The following MGST1 variants were observed in gnomAD, a reference collection of about 807,000 sequenced individuals.
MGST1 encodes the protein glutathione S-transferase 12.
In MGST1, 5 loss-of-function variants were observed where a neutral mutation model predicts 8.9. The observed-to-expected ratio is 0.56, with a 90% CI of 0.29 to 1.19. The LOEUF (loss-of-function observed/expected upper bound fraction) is 1.19. MGST1 is among the 50% of genes most tolerant of loss of function. The pLI is 0.08. For synonymous variants in MGST1, 54 were observed against 67.8 expected (o/e 0.80, Z 1.00); for missense variants, 182 against 187.4 (o/e 0.97, Z 0.17).
In MGST1 at chr12:16,589,007, C is replaced by T. The variant is rs1031194752; in HGVS notation, n.483-521C>T. 2.0e-5 allele frequency among the ~76,000 whole-genome samples: 3 copies of T among 151,970 alleles called. No individual in the cohort carries two copies. Among genetic ancestry groups the T allele is most frequent in the African/African-American group, 4.8e-5 (2 of 41,394 alleles). ...GGATTCCTATTTCTAGAGAAGAAAA[C>T]GCAGACTTGGAGAGGTTGAGTAAGT... On this transcript the variant is annotated intron_variant and non_coding_transcript_variant, in intron 4 of 4. Transcript: ENST00000538857. This position sits in a 1 kb window ranked among gnomAD's most constrained non-coding sequence, Gnocchi z 4.2.
intron 4 of MGST1, among the ~76,000 whole-genome samples, chr12:16,538,040 G>A (rs1941765867): frequency 1.3e-5 from 2 of 152,116 alleles, no homozygotes; most frequent in South Asian, 4.2e-4. Context: ...AAACTTTTAT[G>A]CTCTTTTTCC....
chr12:16,444,328 T>A (rs1016115954), intron 4 of MGST1, among the ~76,000 whole-genome samples: 1 of 151,804 alleles, frequency 6.6e-6, no homozygotes, highest in African/African-American at 2.4e-5. Flanking sequence ...CCAGACTACT[T>A]TGTCTCTGAT....
At chr12:16,399,932 A>G in intron 1 of MGST1, 1 of 1,295,834 alleles carries the variant, frequency 7.7e-7, no homozygotes. Context: ...GTCACCACAA[A>G]AGGTGGCCAT....
At chr12:16,388,012 C>T (rs1057208947) in intron 1 of MGST1, among the ~76,000 whole-genome samples, 1 of 152,032 alleles carries the variant, frequency 6.6e-6, no homozygotes, top group Non-Finnish European at 1.5e-5. Context: ...TGGAAGTACA[C>T]ACCATGATGT....
At chr12:16,400,410 T>C in intron 1 of MGST1, 2 of 816,938 alleles carry the variant, frequency 2.4e-6, no homozygotes, top group Non-Finnish European at 4.4e-6. Flanking sequence ...GCAGCCTCTT[T>C]TGGGCAATAT....
chr12:16,460,939 G>C (rs574549632), intron 4 of MGST1, among the ~76,000 whole-genome samples: 1 of 151,922 alleles, frequency 6.6e-6, no homozygotes, highest in Non-Finnish European at 1.5e-5. Flanking sequence ...TAAATCATAC[G>C]GTATTAGTAA....
intron 4 of MGST1, among the ~76,000 whole-genome samples, chr12:16,552,935 C>T (rs374060388): frequency 7.0e-6 from 1 of 143,054 alleles, no homozygotes; most frequent in African/African-American, 2.4e-5. Context: ...CAGTAGGGTC[C>T]AAACTCTACC....
rs3029719 is a variant in MGST1, at chr12:16,544,221, T to TACACACAC, written n.483-45271_483-45264dup. Among the ~76,000 whole-genome samples the TACACACAC allele has an allele frequency of 0.032, 4,460 of 138,780 alleles. 191 individuals carry two copies. Among genetic ancestry groups the TACACACAC allele is most frequent in the African/African-American group, 0.099 (3,640 of 36,874 alleles). The allele number at this position is 138,780 out of a possible 152,430, so 91.0% of individuals were successfully genotyped here. A position where few individuals can be genotyped will look rare whatever the true frequency, so the allele number is the denominator to read the frequency against. ...TTAAATTGACACCTTAAGTAAGAAC[T>TACACACAC]ACACACACACACACACACACACACA... On this transcript the variant is annotated intron_variant and non_coding_transcript_variant, in intron 4 of 4. Transcript: ENST00000538857. The surrounding 1 kb of genome is among the most constrained non-coding windows in gnomAD (Gnocchi z 4.8).
intron 1 of MGST1, among the ~76,000 whole-genome samples, chr12:16,397,872 CAACTA>C (rs1282067273): frequency 6.8e-6 from 1 of 147,734 alleles, no homozygotes; most frequent in African/African-American, 2.5e-5. Flanking sequence ...ATTTTAGTGT[CAACTA>C]AACTAAATAT....
In MGST1 at chr12:16,553,149, A is replaced by C. The variant is rs1942055014; in HGVS notation, n.483-36379A>C. 1.3e-5 allele frequency among the ~76,000 whole-genome samples: 2 copies of C among 152,112 alleles called. 1 individual carries two copies. The highest frequency in any genetic ancestry group is 4.1e-4 in the South Asian group (2 of 4,826). Reference sequence around the variant, plus strand: ...ATGTACATGATCACATTTATTCCCTACATCCAACCTAGAAAGTAAGCATTG... The same window carrying C: ...ATGTACATGATCACATTTATTCCCTCCATCCAACCTAGAAAGTAAGCATTG... On this transcript the variant is annotated intron_variant and non_coding_transcript_variant, in intron 4 of 4. Coordinates refer to the MGST1 transcript ENST00000538857.
chr12:16,357,269 C>CT (rs1591695746), intron 2 of MGST1, among the ~76,000 whole-genome samples: 4 of 151,804 alleles, frequency 2.6e-5, no homozygotes, highest in Admixed American at 6.6e-5. Context: ...TGTTTGTTTT[C>CT]TTTTTTTTGA....
chr12:16,395,422 A>T (rs911525569), intron 1 of MGST1, among the ~76,000 whole-genome samples: 7 of 152,092 alleles, frequency 4.6e-5, no homozygotes, highest in African/African-American at 1.7e-4. Context: ...TCTTCTTTTA[A>T]AAAAATTTAT....
Position 16,589,304 on chromosome 12 carries a change from G to A in MGST1, n.483-224G>A, listed in dbSNP as rs1943417952. Among the ~76,000 whole-genome samples the A allele has an allele frequency of 6.6e-6, 1 of 152,016 alleles. No individual in the cohort carries two copies. The highest frequency in any genetic ancestry group is 2.4e-5 in the African/African-American group (1 of 41,424). On this transcript the variant is annotated intron_variant and non_coding_transcript_variant, in intron 4 of 4. Transcript: ENST00000538857. The surrounding 1 kb of genome is among the most constrained non-coding windows in gnomAD (Gnocchi z 4.2). ...ACTGATGATCATTGATGGAGAAGGGGCAATACCTAATGTAGTAGAATAATG... is the reference window on the plus strand; with the variant it reads ...ACTGATGATCATTGATGGAGAAGGGACAATACCTAATGTAGTAGAATAATG...
chr12:16,577,108 A>T (rs1434330331), intron 4 of MGST1, among the ~76,000 whole-genome samples: 1 of 152,092 alleles, frequency 6.6e-6, no homozygotes, highest in Admixed American at 6.5e-5. Flanking sequence ...GATGCAGAAA[A>T]CTTGTGACTG....
At chr12:16,527,653 G>A (rs1025708558) in intron 4 of MGST1, among the ~76,000 whole-genome samples, 8 of 151,994 alleles carry the variant, frequency 5.3e-5, no homozygotes, top group African/African-American at 1.9e-4. Flanking sequence ...GGCTTGGTCA[G>A]TGCTTTTGCT....
rs1941517240 is a variant in MGST1 at position 16,503,196 on chromosome 12, ATTG to A, written n.483-86329_483-86327del. ...CTCCCCCCTTTTTGTTTCTTCTCTT[ATTG>A]TTATTCCCCACAATAGTTTGGGTTG... On this transcript the variant is annotated intron_variant and non_coding_transcript_variant, in intron 4 of 4. Coordinates refer to the MGST1 transcript ENST00000538857. This position sits in a 1 kb window ranked among gnomAD's most constrained non-coding sequence, Gnocchi z 4.8. Among the ~76,000 whole-genome samples, 4 of 142,136 alleles carry A rather than the reference ATTG, an allele frequency of 2.8e-5. 1 individual carries two copies. In the South Asian group the frequency reaches 9.2e-4, roughly 33 times the overall value. The allele number at this position is 142,136 out of a possible 152,430, so 93.2% of individuals were successfully genotyped here.
intron 4 of MGST1, among the ~76,000 whole-genome samples, chr12:16,478,436 ATC>A (rs1941339125): frequency 6.6e-6 from 1 of 152,108 alleles, no homozygotes; most frequent in Admixed American, 6.6e-5. Flanking sequence ...AAAATTTTGA[ATC>A]TCTCTCCATT....
At chr12:16,404,803 T>G (rs1366570919) in intron 1 of MGST1, among the ~76,000 whole-genome samples, 1 of 152,206 alleles carries the variant, frequency 6.6e-6, no homozygotes, top group Non-Finnish European at 1.5e-5. Context: ...TGCTCTTTAT[T>G]TCTTCATTTT....
chr12:16,495,683 A>ATT (rs199914226), intron 4 of MGST1, among the ~76,000 whole-genome samples: 1 of 141,084 alleles, frequency 7.1e-6, no homozygotes, highest in Non-Finnish European at 1.6e-5. Flanking sequence ...TCAGGGTCAC[A>ATT]TTTTTTTTTT....
Sources: gnomAD v4.1 joint callset for allele counts (sites outside exome capture counted in the v4.1 genomes callset) on GRCh38, gnomAD v4.1.1 for gene constraint, Gnocchi (gnomAD v3.1) non-coding constraint, MANE v1.5 for transcripts, NCBI Gene and HGNC (gene_info 2026-07-23, HGNC 2026-07-21) for gene names.